Variants in GPD2 observed in about 807,000 individuals in gnomAD.
GPD2 encodes glycerol-3-phosphate dehydrogenase 2, also known as glycerol-3-phosphate dehydrogenase, mitochondrial.
Under a neutral mutation model 82.4 loss-of-function variants are expected in GPD2, and 54 were observed. That is an observed-to-expected ratio of 0.66 (90% CI 0.53 to 0.82). GPD2 has a LOEUF of 0.82. Ranked by LOEUF, GPD2 falls within the 40% of genes least tolerant of loss-of-function variation. The probability of loss-of-function intolerance (pLI) is 0.00; values close to 1 mark genes in which losing one functional copy is unlikely to be tolerated. For missense variants in GPD2, 748 were observed against 896.2 expected (o/e 0.83, Z 2.11); for synonymous variants, 288 against 306.1 (o/e 0.94, Z 0.62).
intron 1 of GPD2, among the ~76,000 whole-genome samples, chr2:156,450,076 G>C (rs1210178484): frequency 6.6e-6 from 1 of 152,042 alleles, no homozygotes; most frequent in Non-Finnish European, 1.5e-5. Context: ...GAATTAGTTG[G>C]GTGAACTTGC....
the GPD2 span, among the ~76,000 whole-genome samples, chr2:156,421,728 T>C: frequency 6.6e-6 from 1 of 152,248 alleles, no homozygotes; most frequent in Non-Finnish European, 1.5e-5. Flanking sequence ...TTCTTCCTGT[T>C]GATGTTTTCC....
chr2:156,515,383 A>AG (rs1265750473), intron 6 of GPD2, among the ~76,000 whole-genome samples: 1 of 152,046 alleles, frequency 6.6e-6, no homozygotes, highest in East Asian at 1.9e-4. Context: ...AAAAAAAAAA[A>AG]AAGAAGAAGA....
rs141143670 is a variant in GPD2 at position 156,440,463 on chromosome 2, T to G, written c.-9+3950T>G. 3.3e-5 allele frequency among the ~76,000 whole-genome samples: 5 copies of G among 152,364 alleles called. No individual in the cohort carries two copies. In the Middle Eastern group the frequency reaches 0.017, roughly 518 times the overall value. ...TCAGAATGCATCCAGAATTCTAATTTGTGTCCTGATGTGAATGTGACCATG... is the reference window on the plus strand; with the variant it reads ...TCAGAATGCATCCAGAATTCTAATTGGTGTCCTGATGTGAATGTGACCATG... On this transcript the variant is annotated intron_variant, in intron 1 of 16. Transcript: ENST00000438166.
intron 6 of GPD2, among the ~76,000 whole-genome samples, chr2:156,544,188 G>A (rs115064554): frequency 2.0e-5 from 3 of 152,158 alleles, no homozygotes; most frequent in Admixed American, 2.0e-4. Context: ...GGTGTTGGCT[G>A]TCTGTCAGCT....
At chr2:156,549,888 A>T in intron 7 of GPD2, 116 bp downstream of exon 7, 1 of 834,412 alleles carries the variant, frequency 1.2e-6, no homozygotes, top group South Asian at 1.5e-5. Flanking sequence ...TCAGAGTCAT[A>T]TTAATTATAT....
At chr2:156,485,565 T>G (rs993457383) in intron 2 of GPD2, among the ~76,000 whole-genome samples, 15 of 152,262 alleles carry the variant, frequency 9.9e-5, no homozygotes, top group Non-Finnish European at 7.3e-5. Flanking sequence ...ATGTCAAACT[T>G]GTGTATTAAT....
chr2:156,480,870 C>T (rs1683704530), intron 2 of GPD2, among the ~76,000 whole-genome samples: 1 of 151,210 alleles, frequency 6.6e-6, no homozygotes, highest in Non-Finnish European at 1.5e-5. Context: ...CCTCTGCCTC[C>T]TGGGTTCAAG....
intron 1 of GPD2, among the ~76,000 whole-genome samples, chr2:156,452,496 C>G (rs1057182772): frequency 6.6e-6 from 1 of 152,208 alleles, no homozygotes; most frequent in Admixed American, 6.5e-5. Context: ...GGCAGCAGTA[C>G]AGTCCAGCTT....
intron 9 of GPD2, among the ~76,000 whole-genome samples, chr2:156,568,240 T>G (rs752088815): frequency 1.3e-5 from 2 of 152,170 alleles, no homozygotes; most frequent in African/African-American, 2.4e-5. Flanking sequence ...ATGGTGAGAA[T>G]AATAATAACC....
At chr2:156,563,034 A>G (rs1687232437) in intron 9 of GPD2, among the ~76,000 whole-genome samples, 1 of 151,902 alleles carries the variant, frequency 6.6e-6, no homozygotes, top group Non-Finnish European at 1.5e-5. Flanking sequence ...TTTTTCTTTC[A>G]TCTTGTTTTA....
intron 6 of GPD2, among the ~76,000 whole-genome samples, chr2:156,523,712 A>AGATAGATAGATG (rs1553473085): frequency 3.3e-5 from 5 of 150,800 alleles, no homozygotes; most frequent in African/African-American, 1.2e-4. Context: ...ATAGATAGAT[A>AGATAGATAGATG]GATAGATATT....
At chr2:156,572,792 A>G (rs537957738) in intron 13 of GPD2, among the ~76,000 whole-genome samples, 2 of 152,326 alleles carry the variant, frequency 1.3e-5, no homozygotes, top group South Asian at 2.1e-4. Flanking sequence ...GTTTTGACCT[A>G]GAAGGTAAGA....
rs1686568492 is a variant in GPD2, at chr2:156,547,022, C to T, written c.662-2586C>T. ...AAAAAAACAAAGACAAACAAGTAAGCCTTTCTGTTTTCTCTTGAGACGTGG... is the reference window on the plus strand; with the variant it reads ...AAAAAAACAAAGACAAACAAGTAAGTCTTTCTGTTTTCTCTTGAGACGTGG... On this transcript the variant is annotated intron_variant, in intron 6 of 16. Transcript: ENST00000438166. 2.6e-5 allele frequency among the ~76,000 whole-genome samples: 4 copies of T among 152,086 alleles called. No homozygotes were observed. In the South Asian group the frequency reaches 8.3e-4, roughly 32 times the overall value.
intron 9 of GPD2, among the ~76,000 whole-genome samples, chr2:156,557,811 T>A (rs1211324461): frequency 6.6e-6 from 1 of 152,214 alleles, no homozygotes; most frequent in Non-Finnish European, 1.5e-5. Context: ...TTCTGATAAT[T>A]CCTAATGGCA....
rs542904574 is a variant in GPD2, at chr2:156,557,879, T to C, written c.1165+297T>C. 4.6e-5 allele frequency among the ~76,000 whole-genome samples: 7 copies of C among 152,332 alleles called. No homozygotes were observed. In the South Asian group the frequency reaches 1.5e-3, roughly 32 times the overall value. On this transcript the variant is annotated intron_variant, in intron 9 of 16. Coordinates refer to ENST00000438166, the MANE Select transcript of GPD2 (RefSeq NM_000408.5). The stretch of plus-strand genomic sequence containing the variant: ...CATGTGCTTCCAGAAAACGATGAAA[T>C]GTGTACATCACAGTTTAATTTCTGC...
chr2:156,507,921 C>G (rs866504406), intron 3 of GPD2, among the ~76,000 whole-genome samples: 10 of 152,186 alleles, frequency 6.6e-5, no homozygotes, highest in South Asian at 2.1e-4. Context: ...ATGATCTTTC[C>G]CTTTCTTCAC....
intron 12 of GPD2, 143 bp from the exon 13 acceptor site, chr2:156,570,991 T>C: frequency 1.5e-6 from 1 of 684,648 alleles, no homozygotes; most frequent in East Asian, 2.7e-5. Flanking sequence ...CCACTATTTG[T>C]CTCATGCCTG....
chr2:156,451,628 C>A (rs1370518464), intron 1 of GPD2, among the ~76,000 whole-genome samples: 1 of 142,988 alleles, frequency 7.0e-6, no homozygotes, highest in South Asian at 2.2e-4. Context: ...CTCCTCACTT[C>A]CCAGTAGGGG....
intron 1 of GPD2, among the ~76,000 whole-genome samples, chr2:156,448,873 AAGTC>A (rs1283583432): frequency 3.3e-5 from 5 of 152,218 alleles, no homozygotes; most frequent in African/African-American, 1.2e-4. Context: ...CGGAAATCTG[AAGTC>A]AGTTTCACTG....
Sources: gnomAD v4.1 joint callset for allele counts (sites outside exome capture counted in the v4.1 genomes callset) on GRCh38, gnomAD v4.1.1 for gene constraint, MANE v1.5 for transcripts, NCBI Gene and HGNC (gene_info 2026-07-23, HGNC 2026-07-21) for gene names.